Variants in RAB21 observed in about 807,000 individuals in gnomAD.
RAB21 encodes the protein ras-related protein Rab-21.
Under a neutral mutation model 33.1 loss-of-function variants are expected in RAB21, and 13 were observed. That is an observed-to-expected ratio of 0.39 (90% CI 0.26 to 0.62). RAB21 has a LOEUF of 0.62. Ranked by LOEUF, RAB21 falls within the 20% of genes least tolerant of loss-of-function variation. The probability of loss-of-function intolerance (pLI) is 0.48; values close to 1 mark genes in which losing one functional copy is unlikely to be tolerated. For missense variants in RAB21, 234 were observed against 279.1 expected (o/e 0.84, Z 1.15); for synonymous variants, 91 against 103.7 (o/e 0.88, Z 0.74).
rs201292439 is a variant in RAB21, at chr12:71,785,642, C to A, written c.647C>A (p.Thr216Asn). 2.5e-6 allele frequency: 4 copies of A among 1,614,130 alleles called. No homozygotes were observed. In the Admixed American group the frequency reaches 6.7e-5, roughly 27 times the overall value. The change falls in exon 7 of 7, where the codon ACC (threonine) becomes AAC (asparagine). Residue 216 changes from threonine (T) to asparagine (N), a missense_variant. By Grantham distance (65) the Thr-to-Asn change is moderately conservative (BLOSUM62 0). Transcript: ENST00000261263. ...QIIDDEPQAQ[T>N]SGGGCCSSG ...ATTGATGATGAACCTCAAGCCCAGA[C>A]CAGTGGTGGAGGGTGCTGTTCTTCT...
intron 1 of RAB21, among the ~76,000 whole-genome samples, chr12:71,756,189 A>T (rs1882783094): frequency 6.6e-6 from 1 of 152,208 alleles, no homozygotes; most frequent in Non-Finnish European, 1.5e-5. Context: ...CTGATTGTCC[A>T]GGTTCATGTC....
At chr12:71,763,549 T>C (rs1185071429) in intron 1 of RAB21, among the ~76,000 whole-genome samples, 1 of 152,174 alleles carries the variant, frequency 6.6e-6, no homozygotes, top group African/African-American at 2.4e-5. Context: ...ACTGAGCTGT[T>C]GGATAAACAA....
intron 1 of RAB21, among the ~76,000 whole-genome samples, chr12:71,767,671 C>T (rs1254865864): frequency 6.6e-6 from 1 of 152,022 alleles, no homozygotes; most frequent in Non-Finnish European, 1.5e-5. Flanking sequence ...ATTTTGGAGG[C>T]ATATAGACTG....
rs1274840740 is a variant in RAB21 at position 71,796,272 on chromosome 12, T to C, written c.*10599T>C. ...CTCTTGGGATAGTGTCTCATGGCCC[T>C]GTGAGGGAACTCTACAAATTTTATC... On this transcript the variant is annotated 3_prime_UTR_variant, in exon 7 of 7. Transcript: ENST00000261263. 1 of 137,952 alleles carries C rather than the reference T, an allele frequency of 7.2e-6. No homozygotes were observed. The highest frequency in any genetic ancestry group is 1.5e-5 in the Non-Finnish European group (1 of 66,054). 8.5% of individuals were successfully genotyped at this position (137,952 alleles called of 1,614,324 possible).
intron 6 of RAB21, 32 bp from the exon 7 acceptor site, chr12:71,785,499 T>C (rs1883270871): frequency 7.5e-6 from 12 of 1,608,450 alleles, no homozygotes; most frequent in Non-Finnish European, 1.0e-5. Context: ...AATATTGTGG[T>C]CCTAATAATG....
At chr12:71,755,349 A>G (rs1592640474) in intron 1 of RAB21, 61 bp downstream of exon 1, 5 of 1,421,288 alleles carry the variant, frequency 3.5e-6, no homozygotes, top group Admixed American at 3.5e-5. Flanking sequence ...GGGGCTGGGG[A>G]AACTTTGCCG....
intron 1 of RAB21, among the ~76,000 whole-genome samples, chr12:71,761,297 A>G (rs1234523458): frequency 1.3e-5 from 2 of 152,208 alleles, no homozygotes; most frequent in African/African-American, 4.8e-5. Context: ...TAATCCCAGC[A>G]CTTTGAGAAG....
rs144362791 is a variant in RAB21 at position 71,798,893 on chromosome 12, T to TA, written c.*13221dup. ...TATTAAACTGTTACCCAGAACTTTT[T>TA]ATGCAGATGGGGGGGCAGTCTGAAT... On this transcript the variant is annotated 3_prime_UTR_variant, in exon 7 of 7. Transcript: ENST00000261263. 0.038 allele frequency: 5,768 copies of TA among 152,300 alleles called. 169 individuals are homozygous for TA. The highest frequency in any genetic ancestry group is 0.11 in the South Asian group (512 of 4,822). The allele number at this position is 152,300 out of a possible 1,614,324, so 9.4% of individuals were successfully genotyped here. A position where few individuals can be genotyped will look rare whatever the true frequency, so the allele number is the denominator to read the frequency against.
At chr12:71,760,051 G>C (rs189502042) in intron 1 of RAB21, among the ~76,000 whole-genome samples, 1 of 152,056 alleles carries the variant, frequency 6.6e-6, no homozygotes, top group African/African-American at 2.4e-5. Context: ...TAAATGATGC[G>C]GGATTTATGT....
intron 3 of RAB21, 49 bp from the exon 4 acceptor site, chr12:71,773,910 A>G: frequency 2.3e-6 from 3 of 1,318,334 alleles, no homozygotes; most frequent in Non-Finnish European, 3.2e-6. Flanking sequence ...TTGTGATAGT[A>G]GTAATTCCAA....
rs868139729 is a variant in RAB21, at chr12:71,785,901, T to G, written c.*228T>G. On this transcript the variant is annotated 3_prime_UTR_variant, in exon 7 of 7. Coordinates refer to ENST00000261263, the MANE Select transcript of RAB21 (RefSeq NM_014999.4). Reference sequence around the variant, plus strand: ...AATGTTTTTTTTTGTTTTTTTTTTGTTTTTTTTTGTTTTTTTTTGAGACGG... The same window carrying G: ...AATGTTTTTTTTTGTTTTTTTTTTGGTTTTTTTTGTTTTTTTTTGAGACGG... 69 of 370,126 alleles carry G rather than the reference T, an allele frequency of 1.9e-4. No individual in the cohort carries two copies. Among genetic ancestry groups the G allele is most frequent in the Non-Finnish European group, 2.4e-4 (55 of 228,524 alleles). 22.9% of individuals were successfully genotyped at this position (370,126 alleles called of 1,614,324 possible).
intron 4 of RAB21, among the ~76,000 whole-genome samples, chr12:71,776,311 T>A (rs1435377339): frequency 6.6e-6 from 1 of 152,192 alleles, no homozygotes; most frequent in Non-Finnish European, 1.5e-5. Flanking sequence ...TGTTTTTTTT[T>A]AATGTTCAAT....
At chr12:71,756,174 T>TG (rs1046397893) in intron 1 of RAB21, among the ~76,000 whole-genome samples, 1 of 152,216 alleles carries the variant, frequency 6.6e-6, no homozygotes, top group African/African-American at 2.4e-5. Context: ...AGTGGACTTT[T>TG]GAGCCTGATT....
chr12:71,775,526 C>G (rs1436070248), intron 4 of RAB21, among the ~76,000 whole-genome samples: 2 of 152,088 alleles, frequency 1.3e-5, no homozygotes, highest in African/African-American at 4.8e-5. Flanking sequence ...GCAAATTCTG[C>G]TTTTAGCCTT....
At chr12:71,758,242 A>G (rs1431345206) in intron 1 of RAB21, among the ~76,000 whole-genome samples, 1 of 151,988 alleles carries the variant, frequency 6.6e-6, no homozygotes. Context: ...CGTGTTGGCC[A>G]GGCTGGTCTC....
At chr12:71,782,690 A>G in intron 6 of RAB21, 32 bp downstream of exon 6, 1 of 1,453,764 alleles carries the variant, frequency 6.9e-7, no homozygotes, top group Non-Finnish European at 9.4e-7. Flanking sequence ...TTGTTTAGAA[A>G]TGGTTTTTGG....
chr12:71,776,891 A>G (rs1330613876), intron 4 of RAB21, among the ~76,000 whole-genome samples: 1 of 152,150 alleles, frequency 6.6e-6, no homozygotes, highest in Non-Finnish European at 1.5e-5. Flanking sequence ...TTCCTTCTAC[A>G]AGTATTTTTG....
At chr12:71,784,313 T>C (rs1429066381) in intron 6 of RAB21, among the ~76,000 whole-genome samples, 1 of 152,196 alleles carries the variant, frequency 6.6e-6, no homozygotes, top group Non-Finnish European at 1.5e-5. Context: ...TGAGGTCCAG[T>C]TTATCTATTT....
chr12:71,763,402 AT>A (rs1307747569), intron 1 of RAB21, among the ~76,000 whole-genome samples: 6 of 151,900 alleles, frequency 3.9e-5, no homozygotes, highest in Admixed American at 3.3e-4. Flanking sequence ...TGGCAGATAT[AT>A]TTTTTCCCTG....
Sources: allele counts gnomAD v4.1 joint callset (sites outside exome capture counted in the v4.1 genomes callset), GRCh38; gene constraint gnomAD v4.1.1; transcripts MANE v1.5; gene names NCBI Gene and HGNC (gene_info 2026-07-23, HGNC 2026-07-21).